Variants in GUCY1A2 observed in about 807,000 individuals in gnomAD.
GUCY1A2 encodes guanylate cyclase soluble subunit alpha-2.
Under a neutral mutation model 63.5 loss-of-function variants are expected in GUCY1A2, and 27 were observed. That is an observed-to-expected ratio of 0.43 (90% CI 0.31 to 0.59). The LOEUF (loss-of-function observed/expected upper bound fraction) is 0.59, where lower values mean the gene tolerates loss of function less well. Ranked by LOEUF, GUCY1A2 falls within the 20% of genes least tolerant of loss-of-function variation. GUCY1A2 has a pLI of 0.11. For synonymous variants in GUCY1A2, 364 were observed against 343.5 expected, an observed-to-expected ratio of 1.06 and a Z score of -0.66; for missense variants, 768 against 913.3, an observed-to-expected ratio of 0.84 and a Z score of 2.05.
intron 4 of GUCY1A2, among the ~76,000 whole-genome samples, chr11:106,912,995 G>A (rs1288232915): frequency 6.6e-6 from 1 of 152,078 alleles, no homozygotes; most frequent in Non-Finnish European, 1.5e-5. Flanking sequence ...TTTGCCTTCA[G>A]CAAACACACT....
intron 3 of GUCY1A2, among the ~76,000 whole-genome samples, chr11:106,944,824 T>A (rs539558920): frequency 9.0e-4 from 137 of 152,230 alleles, no homozygotes; most frequent in African/African-American, 3.2e-3. Context: ...TACAAAACTA[T>A]CAGTGTTACT....
At chr11:106,942,024 T>C (rs1183087640) in intron 3 of GUCY1A2, among the ~76,000 whole-genome samples, 2 of 152,194 alleles carry the variant, frequency 1.3e-5, no homozygotes, top group East Asian at 1.9e-4. Flanking sequence ...CTAACAATAA[T>C]GTCAGCCAGA....
chr11:106,892,797 A>G (rs1179644611), intron 4 of GUCY1A2, among the ~76,000 whole-genome samples: 1 of 152,104 alleles, frequency 6.6e-6, no homozygotes, highest in African/African-American at 2.4e-5. Flanking sequence ...TGTGTAGAAA[A>G]TGTTTGGGGT....
intron 7 of GUCY1A2, among the ~76,000 whole-genome samples, chr11:106,699,213 G>A (rs1862774908): frequency 6.6e-6 from 1 of 152,122 alleles, no homozygotes; most frequent in South Asian, 2.1e-4. Context: ...TTAAAGCTGT[G>A]TTAATTACAA....
intron 6 of GUCY1A2, among the ~76,000 whole-genome samples, chr11:106,709,470 ATATAT>A (rs1863006663): frequency 1.2e-5 from 1 of 83,310 alleles, no homozygotes; most frequent in East Asian, 2.8e-4. Context: ...ATAGAATAAT[ATATAT>A]TATTATATAT....
At chr11:106,984,695 G>A (rs1407069429) in intron 2 of GUCY1A2, among the ~76,000 whole-genome samples, 1 of 152,126 alleles carries the variant, frequency 6.6e-6, no homozygotes, top group Non-Finnish European at 1.5e-5. Context: ...GGTATGTAGT[G>A]CTCACCACAT....
chr11:106,688,003 T>C (rs1391958840), intron 7 of GUCY1A2, among the ~76,000 whole-genome samples: 1 of 152,176 alleles, frequency 6.6e-6, no homozygotes, highest in African/African-American at 2.4e-5. Context: ...AAATATTTGT[T>C]CAAGATTGAT....
intron 4 of GUCY1A2, among the ~76,000 whole-genome samples, chr11:106,823,432 T>A (rs1191206477): frequency 6.6e-6 from 1 of 152,206 alleles, no homozygotes; most frequent in Non-Finnish European, 1.5e-5. Flanking sequence ...ATTTCATTCT[T>A]TTTCATGGCC....
chr11:106,979,640 C>A (rs12269730), intron 2 of GUCY1A2, among the ~76,000 whole-genome samples: 1 of 152,040 alleles, frequency 6.6e-6, no homozygotes, highest in Non-Finnish European at 1.5e-5. Context: ...CTTGTGAGGA[C>A]TAAATAACAC....
At chr11:106,868,708 T>C (rs562302600) in intron 4 of GUCY1A2, among the ~76,000 whole-genome samples, 2 of 152,302 alleles carry the variant, frequency 1.3e-5, no homozygotes, top group East Asian at 3.9e-4. Flanking sequence ...TTCAATGCCA[T>C]GCCCATCAAG....
chr11:106,939,288 T>C (rs149505281), intron 4 of GUCY1A2, among the ~76,000 whole-genome samples, 172 bp downstream of exon 4: 1,955 of 152,338 alleles, frequency 0.013, 27 homozygotes, highest in South Asian at 0.048. Flanking sequence ...CTATGCAAAA[T>C]GGCTGGGAAT....
At chr11:106,964,093 T>A (rs903311316) in intron 3 of GUCY1A2, among the ~76,000 whole-genome samples, 2 of 151,944 alleles carry the variant, frequency 1.3e-5, no homozygotes, top group African/African-American at 4.8e-5. Flanking sequence ...TGAGAGTAGG[T>A]AGCAGACATT....
At chr11:106,894,260 T>G (rs1231170533) in intron 4 of GUCY1A2, among the ~76,000 whole-genome samples, 1 of 152,154 alleles carries the variant, frequency 6.6e-6, no homozygotes, top group East Asian at 1.9e-4. Context: ...ATAACAATCC[T>G]TAATGTGTAT....
chr11:106,905,691 A>T (rs1237570692), intron 4 of GUCY1A2, among the ~76,000 whole-genome samples: 6 of 152,128 alleles, frequency 3.9e-5, no homozygotes, highest in African/African-American at 1.4e-4. Flanking sequence ...AATTAGAGCC[A>T]GGAAAGCACA....
At chr11:107,012,088 T>C (rs967930530) in intron 1 of GUCY1A2, among the ~76,000 whole-genome samples, 7 of 152,130 alleles carry the variant, frequency 4.6e-5, no homozygotes, top group African/African-American at 1.7e-4. Flanking sequence ...TATAAAGTAG[T>C]TTTCATATTG....
intron 5 of GUCY1A2, 97 bp downstream of exon 5, chr11:106,809,896 A>G: frequency 2.6e-6 from 2 of 765,152 alleles, no homozygotes; most frequent in South Asian, 4.4e-5. Flanking sequence ...AGAGTTGTCA[A>G]TTATTTAGTA....
At chr11:106,711,287 C>A (rs187860972) in intron 6 of GUCY1A2, among the ~76,000 whole-genome samples, 1 of 152,202 alleles carries the variant, frequency 6.6e-6, no homozygotes, top group African/African-American at 2.4e-5. Context: ...TATTAGAATG[C>A]TCTGGATCAA....
intron 3 of GUCY1A2, among the ~76,000 whole-genome samples, chr11:106,944,215 C>CAAAAAAAAAAAAAAAGAAAA (rs1860792460): frequency 4.6e-5 from 1 of 21,576 alleles, no homozygotes; most frequent in Non-Finnish European, 7.7e-5. Flanking sequence ...ACCCTGTCTC[C>CAAAAAAAAAAAAAAAGAAAA]AAAAAAAAAA....
At chr11:106,703,905 TAATTC>T (rs1862861035) in intron 7 of GUCY1A2, among the ~76,000 whole-genome samples, 2 of 152,060 alleles carry the variant, frequency 1.3e-5, no homozygotes, top group African/African-American at 4.8e-5. Flanking sequence ...CAGAGGTACA[TAATTC>T]AATTAATCAT....
Sources: gnomAD v4.1 joint callset for allele counts (sites outside exome capture counted in the v4.1 genomes callset) on GRCh38, gnomAD v4.1.1 for gene constraint, MANE v1.5 for transcripts, NCBI Gene and HGNC (gene_info 2026-07-23, HGNC 2026-07-21) for gene names.